AFF2: variants seen among roughly 807,000 people sequenced by gnomAD.
AFF2 encodes the protein ALF transcription elongation factor 2.
In AFF2, 14 loss-of-function variants were observed where a neutral mutation model predicts 76.9. The ratio of observed to expected loss-of-function variants is 0.18; its 90% confidence interval spans 0.12 to 0.28. The LOEUF is 0.28. AFF2 is among the 10% of genes least tolerant of loss of function. AFF2 has a pLI of 1.00. For missense variants in AFF2, 868 were observed against 1,001.1 expected, an observed-to-expected ratio of 0.87 and a Z score of 1.79; for synonymous variants, 398 against 366.7, an observed-to-expected ratio of 1.09 and a Z score of -0.98.
At chrX:148,707,420 T>C (rs142399251) in intron 3 of AFF2, among the ~76,000 whole-genome samples, 2,688 of 111,096 alleles carry the variant, frequency 0.024, 71 homozygotes, top group African/African-American at 0.083. Flanking sequence ...GTTTGGAAAT[T>C]ATAACTCGTA....
At position 148,977,822 on chromosome X, in the gene AFF2, G is replaced by T. The variant is rs1862324909; in HGVS notation, c.3405-111G>T. The T allele has an allele frequency of 7.1e-6, 4 of 566,776 alleles. No homozygotes were observed. In the South Asian group the frequency reaches 1.1e-4, roughly 16 times the overall value. 46.7% of individuals were successfully genotyped at this position (566,776 alleles called of 1,213,427 possible). A position where few individuals can be genotyped will look rare whatever the true frequency, so the allele number is the denominator to read the frequency against. On this transcript the variant is annotated intron_variant, in intron 16 of 20. Transcript: ENST00000370460. Reference sequence around the variant, plus strand: ...CCCACATGTACCAGTCAGTCCTCTTGCCCAGAACAAATGTGGGAATAACTC... The same window carrying T: ...CCCACATGTACCAGTCAGTCCTCTTTCCCAGAACAAATGTGGGAATAACTC...
chrX:148,564,706 A>G (rs1341397013), intron 1 of AFF2, among the ~76,000 whole-genome samples: 2 of 111,375 alleles, frequency 1.8e-5, no homozygotes, highest in African/African-American at 3.3e-5. Flanking sequence ...CTCAGCTCAG[A>G]TGCAGTCTCC....
At chrX:148,942,457 G>C (rs1433743216) in intron 9 of AFF2, among the ~76,000 whole-genome samples, 2 of 111,228 alleles carry the variant, frequency 1.8e-5, no homozygotes, top group Non-Finnish European at 3.8e-5. Context: ...TGTCACAGAG[G>C]GTGAGTATAA....
chrX:148,635,596 GC>G (rs1557253676), intron 1 of AFF2, among the ~76,000 whole-genome samples: 1 of 111,850 alleles, frequency 8.9e-6, no homozygotes, highest in African/African-American at 3.3e-5. Flanking sequence ...CAAATAAACA[GC>G]CCCATCAGAG....
At chrX:148,741,705 C>T (rs1009876206) in intron 3 of AFF2, among the ~76,000 whole-genome samples, 2 of 111,174 alleles carry the variant, frequency 1.8e-5, no homozygotes, top group African/African-American at 6.5e-5. Flanking sequence ...TAAAGAATTC[C>T]TTCTCCCTAT....
At chrX:148,731,012 A>G (rs1464644545) in intron 3 of AFF2, among the ~76,000 whole-genome samples, 1 of 111,923 alleles carries the variant, frequency 8.9e-6, no homozygotes, top group African/African-American at 3.2e-5. Flanking sequence ...TCTTTCTGAC[A>G]AGTCATTTCA....
intron 3 of AFF2, among the ~76,000 whole-genome samples, chrX:148,766,571 A>G (rs978952387): frequency 9.6e-6 from 1 of 104,386 alleles, no homozygotes; most frequent in Admixed American, 1.0e-4. Flanking sequence ...TTTCTTGTAA[A>G]TTTGTTTGAG....
chrX:148,597,111 T>A (rs1557247427), intron 1 of AFF2, among the ~76,000 whole-genome samples: 1 of 111,934 alleles, frequency 8.9e-6, no homozygotes, highest in East Asian at 2.8e-4. Context: ...TTGAAATTAA[T>A]AATGCCTTAG....
chrX:148,853,853 G>A (rs1557275662), intron 7 of AFF2, among the ~76,000 whole-genome samples: 1 of 111,840 alleles, frequency 8.9e-6, no homozygotes, highest in Non-Finnish European at 1.9e-5. Context: ...TGAGAAGAGT[G>A]ACGGCATTTT....
intron 3 of AFF2, among the ~76,000 whole-genome samples, chrX:148,798,465 G>A (rs1432671030): frequency 3.6e-5 from 4 of 112,366 alleles, no homozygotes; most frequent in Non-Finnish European, 7.5e-5. Flanking sequence ...TACTGAGGGT[G>A]CAATGCATAT....
At chrX:148,787,312 C>CTGTGGG (rs2069834028) in intron 3 of AFF2, among the ~76,000 whole-genome samples, 1 of 108,103 alleles carries the variant, frequency 9.3e-6, no homozygotes, top group Non-Finnish European at 1.9e-5. Context: ...AACATTGCGG[C>CTGTGGG]TGTGTGTGTG....
intron 3 of AFF2, among the ~76,000 whole-genome samples, chrX:148,692,296 G>A (rs1414810177): frequency 3.6e-5 from 4 of 111,903 alleles, no homozygotes; most frequent in South Asian, 7.4e-4. Flanking sequence ...GGAATAATAC[G>A]TCTTAGCGTT....
chrX:148,519,491 G>A (rs185398960), intron 1 of AFF2, among the ~76,000 whole-genome samples: 98 of 111,848 alleles, frequency 8.8e-4, no homozygotes, highest in African/African-American at 2.9e-3. Flanking sequence ...AATACGAAGC[G>A]GAAGAAACTA....
rs1557257857 is a variant in AFF2 at position 148,662,231 on chromosome X, T to C, written c.504T>C (p.Thr168=). The change falls in exon 3 of 21, where the codon ACT becomes ACC. Residue 168 remains threonine (T), a synonymous_variant. Transcript: ENST00000370460. ...CACGTGATAGTCATAACCCTAGCAC[T>C]GTACTGGCAAGCCAGGCCAGTGGTC... is the stretch of plus-strand genomic sequence containing the variant. ...EWSRDSHNPS[T]VLASQASGQP... 1.7e-6 allele frequency: 2 copies of C among 1,211,641 alleles called. No individual in the cohort carries two copies. The highest frequency in any genetic ancestry group is 4.3e-5 in the Admixed American group (2 of 46,013).
In AFF2 at chrX:148,996,933, TA is replaced by T. The variant is rs2072608615; in HGVS notation, c.*5604del. The T allele has an allele frequency of 8.9e-6, 1 of 112,403 alleles. No individual in the cohort carries two copies. Among genetic ancestry groups the T allele is most frequent in the African/African-American group, 3.2e-5 (1 of 30,840 alleles). 9.3% of individuals were successfully genotyped at this position (112,403 alleles called of 1,213,427 possible). On this transcript the variant is annotated 3_prime_UTR_variant, in exon 21 of 21. Coordinates refer to ENST00000370460, the MANE Select transcript of AFF2 (RefSeq NM_002025.4). ...TTGTAACTTTTACATGTAACTAGGA[TA>T]AAGTATTTACGGGAACTCTATGGAG... is the stretch of plus-strand genomic sequence containing the variant.
chrX:148,675,170 G>A (rs2054469614), intron 3 of AFF2, among the ~76,000 whole-genome samples: 2 of 111,077 alleles, frequency 1.8e-5, no homozygotes, highest in Middle Eastern at 9.2e-3. Context: ...AGATATCTAG[G>A]TTCCTAAGTG....
intron 1 of AFF2, among the ~76,000 whole-genome samples, chrX:148,618,265 G>A (rs1279276404): frequency 2.7e-5 from 3 of 111,340 alleles, no homozygotes; most frequent in South Asian, 3.7e-4. Context: ...CCCAAGATTG[G>A]GTAATTCATA....
At chrX:148,905,636 C>T (rs782219853) in intron 9 of AFF2, among the ~76,000 whole-genome samples, 1 of 112,535 alleles carries the variant, frequency 8.9e-6, no homozygotes, top group East Asian at 2.8e-4. Flanking sequence ...TGCCCCAGGT[C>T]ATAAGGAGTG....
chrX:148,563,671 A>C (rs2053138830), intron 1 of AFF2, among the ~76,000 whole-genome samples: 1 of 112,324 alleles, frequency 8.9e-6, no homozygotes, highest in Admixed American at 9.4e-5. Context: ...ATCTTTGCCA[A>C]GTAAGTTTTA....
Sources: allele counts gnomAD v4.1 joint callset (sites outside exome capture counted in the v4.1 genomes callset), GRCh38; gene constraint gnomAD v4.1.1; transcripts MANE v1.5; gene names NCBI Gene and HGNC (gene_info 2026-07-23, HGNC 2026-07-21).